SLC35F1: variants seen among roughly 807,000 people sequenced by gnomAD.
SLC35F1 encodes the protein chromosome 6 open reading frame 169.
Under a neutral mutation model 48.7 loss-of-function variants are expected in SLC35F1, and 14 were observed. That is an observed-to-expected ratio of 0.29 (90% CI 0.19 to 0.45). SLC35F1 has a LOEUF of 0.45. Among genes scored for constraint, SLC35F1 ranks in the 20% least tolerant of loss-of-function variants. SLC35F1 has a pLI of 1.00. For missense variants in SLC35F1, 404 were observed against 500.0 expected, an observed-to-expected ratio of 0.81 and a Z score of 1.83; for synonymous variants, 190 against 202.2, an observed-to-expected ratio of 0.94 and a Z score of 0.51.
At chr6:117,911,389 T>TCCCCC (rs1775760101) in intron 1 of SLC35F1, among the ~76,000 whole-genome samples, 2 of 43,784 alleles carry the variant, frequency 4.6e-5, no homozygotes, top group Non-Finnish European at 9.8e-5. Context: ...TTCCCTCCCC[T>TCCCCC]CCCCTCCCCT....
At chr6:118,082,947 C>T (rs1415391159) in intron 1 of SLC35F1, among the ~76,000 whole-genome samples, 1 of 152,102 alleles carries the variant, frequency 6.6e-6, no homozygotes, top group Admixed American at 6.6e-5. Flanking sequence ...CTCACCCCCG[C>T]CCCCAGCATA....
intron 3 of SLC35F1, among the ~76,000 whole-genome samples, chr6:118,263,242 G>A (rs868312486): frequency 3.3e-5 from 5 of 152,106 alleles, no homozygotes; most frequent in African/African-American, 1.2e-4. Flanking sequence ...TTTTAGTAGA[G>A]ACAGGGTTTC....
intron 1 of SLC35F1, among the ~76,000 whole-genome samples, chr6:118,127,742 A>G (rs1385300724): frequency 3.3e-5 from 5 of 152,080 alleles, no homozygotes; most frequent in Admixed American, 2.6e-4. Context: ...TTCAGGACAT[A>G]GGCATGGGCA....
intron 3 of SLC35F1, among the ~76,000 whole-genome samples, chr6:118,240,808 A>G (rs1187733296): frequency 6.6e-6 from 1 of 152,178 alleles, no homozygotes; most frequent in Non-Finnish European, 1.5e-5. Context: ...GGGATGGACC[A>G]TGGCAAGGAT....
At chr6:118,262,414 A>G (rs1461952780) in intron 3 of SLC35F1, among the ~76,000 whole-genome samples, 1 of 152,146 alleles carries the variant, frequency 6.6e-6, no homozygotes, top group Non-Finnish European at 1.5e-5. Context: ...AGAGGTAGGG[A>G]GAAAGAGGGG....
intron 3 of SLC35F1, among the ~76,000 whole-genome samples, chr6:118,236,985 C>T (rs1205837097): frequency 2.0e-5 from 3 of 152,132 alleles, no homozygotes; most frequent in Non-Finnish European, 2.9e-5. Flanking sequence ...CTAAAGTTGG[C>T]CTTTTTGTTT....
At chr6:117,965,605 C>T (rs1194278880) in intron 1 of SLC35F1, among the ~76,000 whole-genome samples, 1 of 152,198 alleles carries the variant, frequency 6.6e-6, no homozygotes, top group African/African-American at 2.4e-5. Flanking sequence ...GAGCTGAGGA[C>T]TCTCATTATT....
At chr6:118,130,375 T>TA (rs1036114175) in intron 1 of SLC35F1, among the ~76,000 whole-genome samples, 1 of 151,908 alleles carries the variant, frequency 6.6e-6, no homozygotes, top group African/African-American at 2.4e-5. Context: ...CAGAAGCAAG[T>TA]AAAAAAAACT....
At chr6:118,052,043 A>G (rs760720342) in intron 1 of SLC35F1, among the ~76,000 whole-genome samples, 1 of 151,932 alleles carries the variant, frequency 6.6e-6, no homozygotes, top group Non-Finnish European at 1.5e-5. Flanking sequence ...TCTCCAACCA[A>G]TGTGCTGTAC....
intron 2 of SLC35F1, among the ~76,000 whole-genome samples, chr6:118,223,345 G>A (rs903202164): frequency 1.3e-5 from 2 of 152,126 alleles, no homozygotes; most frequent in Admixed American, 1.3e-4. Context: ...AGCAGTTACT[G>A]CGAGCCAGAC....
chr6:118,140,818 T>C (rs1582689578), intron 1 of SLC35F1, among the ~76,000 whole-genome samples: 2 of 152,140 alleles, frequency 1.3e-5, no homozygotes, highest in Non-Finnish European at 2.9e-5. Flanking sequence ...CATTTTAGTT[T>C]TAACAAAAAA....
chr6:118,154,406 T>C (rs1774109003), intron 1 of SLC35F1, 39 bp from the exon 2 acceptor site: 1 of 1,569,562 alleles, frequency 6.4e-7, no homozygotes, highest in South Asian at 1.2e-5. Flanking sequence ...ATGGGCTTCC[T>C]GCTGACCTTT....
intron 1 of SLC35F1, among the ~76,000 whole-genome samples, chr6:118,130,426 G>A (rs1165653949): frequency 1.3e-5 from 2 of 152,170 alleles, no homozygotes; most frequent in East Asian, 1.9e-4. Context: ...AGCGGAGATC[G>A]CACCACTGCA....
At position 117,966,131 on chromosome 6, in the gene SLC35F1, G is replaced by GCCCCCC. The variant is rs35420310; in HGVS notation, c.173+58238_173+58243dup. On this transcript the variant is annotated intron_variant, in intron 1 of 7. Coordinates refer to ENST00000360388, the MANE Select transcript of SLC35F1 (RefSeq NM_001029858.4). ...AATAAGGGAATAAAAGCAGGCCACC[G>GCCCCCC]CCCCCCCCCCCACTCCCGCCCCGCC... 4.0e-3 allele frequency among the ~76,000 whole-genome samples: 399 copies of GCCCCCC among 100,982 alleles called. 30 individuals are homozygous for GCCCCCC. The highest frequency in any genetic ancestry group is 8.7e-3 in the East Asian group (27 of 3,108). The allele number at this position is 100,982 out of a possible 152,430, so 66.2% of individuals were successfully genotyped here.
chr6:118,229,976 A>T (rs1469330204), intron 2 of SLC35F1, among the ~76,000 whole-genome samples: 1 of 152,220 alleles, frequency 6.6e-6, no homozygotes, highest in African/African-American at 2.4e-5. Flanking sequence ...CACATTTGCC[A>T]TACTCTACAG....
chr6:118,162,763 G>T (rs1422149721), intron 2 of SLC35F1, among the ~76,000 whole-genome samples: 2 of 152,022 alleles, frequency 1.3e-5, no homozygotes, highest in Non-Finnish European at 2.9e-5. Flanking sequence ...CTGCATCAAG[G>T]AACTTGCTAG....
At chr6:118,232,960 A>C (rs1775313159) in intron 2 of SLC35F1, among the ~76,000 whole-genome samples, 1 of 144,016 alleles carries the variant, frequency 6.9e-6, no homozygotes, top group Admixed American at 7.0e-5. Flanking sequence ...CCCAGGCATT[A>C]GGACTTTTCT....
At chr6:118,014,547 A>G (rs1777294160) in intron 1 of SLC35F1, among the ~76,000 whole-genome samples, 1 of 151,788 alleles carries the variant, frequency 6.6e-6, no homozygotes, top group South Asian at 2.1e-4. Flanking sequence ...CTTCTCTACA[A>G]CTCTTTAAAA....
chr6:118,062,064 G>GAA (rs35130117), intron 1 of SLC35F1, among the ~76,000 whole-genome samples: 26 of 150,580 alleles, frequency 1.7e-4, no homozygotes, highest in African/African-American at 4.1e-4. Context: ...CTTAGTTTTA[G>GAA]AAAAAAAAAT....
Sources: allele counts gnomAD v4.1 joint callset (sites outside exome capture counted in the v4.1 genomes callset), GRCh38; gene constraint gnomAD v4.1.1; transcripts MANE v1.5; gene names NCBI Gene and HGNC (gene_info 2026-07-23, HGNC 2026-07-21).